The following WASHC2A variants were observed in gnomAD, a reference collection of about 807,000 sequenced individuals.
WASHC2A encodes WASH complex subunit FAM21A.
A neutral mutation model predicts 140.3 loss-of-function variants in WASHC2A; 82 were observed. That is an observed-to-expected ratio of 0.58 (90% CI 0.49 to 0.70). The LOEUF (loss-of-function observed/expected upper bound fraction) is 0.70. Ranked by LOEUF, WASHC2A falls within the 30% of genes least tolerant of loss-of-function variation. The pLI is 0.00. For missense variants in WASHC2A, 985 were observed against 1,521.8 expected (o/e 0.65, Z 5.87); for synonymous variants, 340 against 560.8 (o/e 0.61, Z 5.56).
rs1589288189 is a variant in WASHC2A at position 50,128,245 on chromosome 10, T to A, written c.3087+450T>A. 5.3e-5 allele frequency among the ~76,000 whole-genome samples: 8 copies of A among 152,148 alleles called. No homozygotes were observed. In the South Asian group the frequency reaches 1.7e-3, roughly 32 times the overall value. On this transcript the variant is annotated intron_variant, in intron 28 of 30. Coordinates refer to ENST00000282633, the MANE Select transcript of WASHC2A (RefSeq NM_001005751.3). ...ACTAGTCACTTCACACTTTCCAGCC[T>A]GACTCCAGGCACACCAGGTGCCACT... is the stretch of plus-strand genomic sequence containing the variant.
chr10:50,102,153 T>C (rs1443663274), intron 17 of WASHC2A, among the ~76,000 whole-genome samples: 86 of 152,332 alleles, frequency 5.6e-4, no homozygotes, highest in Middle Eastern at 3.4e-3. Context: ...ACCAAAGGCT[T>C]TGCCCCATGT....
At chr10:50,087,130 A>G in intron 7 of WASHC2A, 145 bp from the exon 8 acceptor site, 1 of 1,031,830 alleles carries the variant, frequency 9.7e-7, no homozygotes, top group Admixed American at 1.7e-5. Flanking sequence ...TAAGGTGACC[A>G]GTAGTCAGTA....
At chr10:50,098,721 T>C (rs1182634893) in intron 16 of WASHC2A, among the ~76,000 whole-genome samples, 3 of 138,398 alleles carry the variant, frequency 2.2e-5, no homozygotes, top group East Asian at 2.0e-4. Context: ...GAGCAACACC[T>C]CCCACATCTT....
chr10:50,121,056 A>G lies in WASHC2A; in HGVS notation c.2478+1287A>G, dbSNP rs1398121464. 6.1e-5 allele frequency among the ~76,000 whole-genome samples: 9 copies of G among 148,390 alleles called. 1 individual carries two copies. Among genetic ancestry groups the G allele is most frequent in the African/African-American group, 2.1e-4 (8 of 38,192 alleles). On this transcript the variant is annotated intron_variant, in intron 23 of 30. Transcript: ENST00000282633. ...ATCATACTTAATGGTGAAAGACTGC[A>G]TGCTTTTCAACCCTAACATCATGAA...
chr10:50,076,892 C>T lies in WASHC2A; in HGVS notation c.292-1783C>T, dbSNP rs1466042851. On this transcript the variant is annotated intron_variant, in intron 3 of 30. Coordinates refer to ENST00000282633, the MANE Select transcript of WASHC2A (RefSeq NM_001005751.3). The stretch of plus-strand genomic sequence containing the variant: ...CAGCACTTTGGGAGGCTGAGGTGGG[C>T]GAATCACGAGGTCAGATTGAGACCA... 2.1e-4 allele frequency among the ~76,000 whole-genome samples: 31 copies of T among 147,014 alleles called. 2 individuals carry two copies. Among genetic ancestry groups the T allele is most frequent in the African/African-American group, 7.1e-4 (27 of 37,792 alleles).
intron 18 of WASHC2A, among the ~76,000 whole-genome samples, chr10:50,104,712 C>T (rs1841577523): frequency 6.6e-6 from 1 of 151,346 alleles, no homozygotes; most frequent in Non-Finnish European, 1.5e-5. Flanking sequence ...AGAAATCTGC[C>T]TTTGAGAAAT....
At chr10:50,104,482 A>G (rs1361491022) in intron 18 of WASHC2A, among the ~76,000 whole-genome samples, 1 of 151,060 alleles carries the variant, frequency 6.6e-6, no homozygotes, top group Non-Finnish European at 1.5e-5. Flanking sequence ...TCGACCTCCC[A>G]AGTAGCTGGG....
intron 3 of WASHC2A, among the ~76,000 whole-genome samples, chr10:50,077,645 A>C (rs1838486548): frequency 6.6e-6 from 1 of 152,120 alleles, no homozygotes; most frequent in Non-Finnish European, 1.5e-5. Context: ...TTGACTTCTT[A>C]TTTCTTTCTT....
intron 5 of WASHC2A, 46 bp from the exon 6 acceptor site, chr10:50,084,026 T>A: frequency 4.4e-6 from 7 of 1,608,086 alleles, no homozygotes. Flanking sequence ...TGTAAGTTTG[T>A]TTTCAACTGA....
At chr10:50,107,448 T>G (rs1841890300) in intron 19 of WASHC2A, among the ~76,000 whole-genome samples, 1 of 151,222 alleles carries the variant, frequency 6.6e-6, no homozygotes, top group Admixed American at 6.6e-5. Flanking sequence ...ACTTTAAATA[T>G]GATGATATAA....
At chr10:50,131,407 T>A (rs746257863) in intron 30 of WASHC2A, among the ~76,000 whole-genome samples, 28,572 of 152,146 alleles carry the variant, frequency 0.19, 3,228 homozygotes, top group East Asian at 0.49. Context: ...TGACCTCACG[T>A]GCTAAAGTAG....
At chr10:50,088,958 C>CTTTTTTTTTTTT (rs1210204220) in intron 8 of WASHC2A, among the ~76,000 whole-genome samples, 1 of 41,386 alleles carries the variant, frequency 2.4e-5, no homozygotes, top group East Asian at 4.4e-4. Flanking sequence ...TTTTTCTTTC[C>CTTTTTTTTTTTT]TTTTTTTTTT....
At chr10:50,069,368 G>C in intron 2 of WASHC2A, 179 bp from the exon 3 acceptor site, 1 of 918,042 alleles carries the variant, frequency 1.1e-6, no homozygotes, top group Non-Finnish European at 1.5e-6. Context: ...GCAGTGAGCC[G>C]AGATGGCGCC....
chr10:50,112,045 C>T, intron 20 of WASHC2A: 3 of 985,264 alleles, frequency 3.0e-6, no homozygotes, highest in Non-Finnish European at 3.6e-6. Flanking sequence ...AAGGCCTTTC[C>T]TAACTTTAAA....
At chr10:50,087,877 A>G (rs2805148) in intron 8 of WASHC2A, among the ~76,000 whole-genome samples, 41,469 of 147,384 alleles carry the variant, frequency 0.28, 6,755 homozygotes, top group Middle Eastern at 0.42. Context: ...GTGCCGTGGC[A>G]TGATCTCAGC....
intron 16 of WASHC2A, among the ~76,000 whole-genome samples, chr10:50,098,446 G>A (rs1288933019): frequency 3.2e-4 from 43 of 136,430 alleles, no homozygotes; most frequent in Admixed American, 1.4e-3. Flanking sequence ...TCACAATAGC[G>A]TTTGCCTTCC....
At chr10:50,104,823 GCTTA>G (rs1841590021) in intron 18 of WASHC2A, among the ~76,000 whole-genome samples, 1 of 149,626 alleles carries the variant, frequency 6.7e-6, no homozygotes, top group African/African-American at 2.5e-5. Context: ...TCTACTGATA[GCTTA>G]CTGTTAACCA....
At chr10:50,076,297 A>G (rs1379205787) in intron 3 of WASHC2A, among the ~76,000 whole-genome samples, 1 of 152,216 alleles carries the variant, frequency 6.6e-6, no homozygotes, top group Non-Finnish European at 1.5e-5. Flanking sequence ...ATTGTGCCAC[A>G]GAATATTTTA....
intron 20 of WASHC2A, among the ~76,000 whole-genome samples, chr10:50,111,664 C>T (rs1311060711): frequency 6.6e-6 from 1 of 152,182 alleles, no homozygotes; most frequent in Non-Finnish European, 1.5e-5. Context: ...TTGTTGCTCT[C>T]TCCTGGGACA....
Sources: allele counts gnomAD v4.1 joint callset (sites outside exome capture counted in the v4.1 genomes callset), GRCh38; gene constraint gnomAD v4.1.1; transcripts MANE v1.5; gene names NCBI Gene and HGNC (gene_info 2026-07-23, HGNC 2026-07-21).